The following REL variants were observed in gnomAD, a reference collection of about 807,000 sequenced individuals.
REL encodes the protein REL proto-oncogene, NF-kB subunit, also known as proto-oncogene c-Rel.
A neutral mutation model predicts 45.9 loss-of-function variants in REL; 15 were observed. That is an observed-to-expected ratio of 0.33 (90% CI 0.22 to 0.50). REL has a LOEUF of 0.50. Among genes scored for constraint, REL ranks in the 20% least tolerant of loss-of-function variants. REL has a pLI of 0.98. For missense variants in REL, 601 were observed against 715.2 expected (o/e 0.84, Z 1.82); for synonymous variants, 239 against 242.1 (o/e 0.99, Z 0.12).
intron 4 of REL, among the ~76,000 whole-genome samples, chr2:60,913,974 G>A (rs1673889561): frequency 1.3e-5 from 2 of 152,290 alleles, no homozygotes; most frequent in South Asian, 4.1e-4. Context: ...AGTCATTTAT[G>A]TTAATTGAGA....
At chr2:60,886,642 T>C (rs1673078610) in intron 1 of REL, among the ~76,000 whole-genome samples, 1 of 152,010 alleles carries the variant, frequency 6.6e-6, no homozygotes, top group South Asian at 2.1e-4. Context: ...AATAATTAGC[T>C]TTTTTTTCTG....
chr2:60,884,816 T>C (rs919404160), intron 1 of REL, among the ~76,000 whole-genome samples: 2 of 152,186 alleles, frequency 1.3e-5, no homozygotes, highest in African/African-American at 4.8e-5. Context: ...CCTCACTTCT[T>C]ACCAACTATT....
At chr2:60,903,251 A>T (rs1448682336) in intron 4 of REL, among the ~76,000 whole-genome samples, 1 of 152,224 alleles carries the variant, frequency 6.6e-6, no homozygotes, top group African/African-American at 2.4e-5. Flanking sequence ...GACTTTTGTT[A>T]TTTAACTGTC....
chr2:60,907,382 C>T (rs771480094), intron 4 of REL, among the ~76,000 whole-genome samples: 32 of 152,186 alleles, frequency 2.1e-4, no homozygotes, highest in Non-Finnish European at 3.1e-4. Flanking sequence ...CACGGTGGCT[C>T]ATGCCTGTAA....
At chr2:60,896,799 A>G (rs1191586443) in intron 3 of REL, among the ~76,000 whole-genome samples, 1 of 152,204 alleles carries the variant, frequency 6.6e-6, no homozygotes, top group African/African-American at 2.4e-5. Context: ...AGTTACAGGC[A>G]GTTAAATTTT....
Position 60,927,004 on chromosome 2 carries a change from G to A in REL, c.*4469G>A, listed in dbSNP as rs1473270871. ...TTAGCATGTTACCCACTCTGCCTCTGCTCTTCTGGAACTAGAACACTCATC... is the reference window on the plus strand; with the variant it reads ...TTAGCATGTTACCCACTCTGCCTCTACTCTTCTGGAACTAGAACACTCATC... On this transcript the variant is annotated 3_prime_UTR_variant, in exon 10 of 10. Transcript: ENST00000394479. 2 of 227,924 alleles carry A rather than the reference G, an allele frequency of 8.8e-6. No individual in the cohort carries two copies. Among genetic ancestry groups the A allele is most frequent in the African/African-American group, 4.4e-5 (2 of 44,974 alleles). The allele number at this position is 227,924 out of a possible 1,614,324, so 14.1% of individuals were successfully genotyped here. A position where few individuals can be genotyped will look rare whatever the true frequency, so the allele number is the denominator to read the frequency against.
rs58523316 is a variant in REL, at chr2:60,920,471, G to A, written c.923-103G>A. Reference sequence around the variant, plus strand: ...CCACCTTGGCCTCCCAAAGTGCTGGGATTACAGGTGGGAGCCACCACGCCC... The same window carrying A: ...CCACCTTGGCCTCCCAAAGTGCTGGAATTACAGGTGGGAGCCACCACGCCC... On this transcript the variant is annotated intron_variant, in intron 8 of 9. Coordinates refer to ENST00000394479, the MANE Select transcript of REL (RefSeq NM_001291746.2). The A allele has an allele frequency of 1.6e-5, 14 of 860,402 alleles. No homozygotes were observed. In the Middle Eastern group the frequency reaches 9.9e-4, roughly 61 times the overall value. 53.3% of individuals were successfully genotyped at this position (860,402 alleles called of 1,614,324 possible). A position where few individuals can be genotyped will look rare whatever the true frequency, so the allele number is the denominator to read the frequency against.
Position 60,920,119 on chromosome 2 carries a change from G to GT in REL, c.922+13dup. On this transcript the variant is annotated intron_variant, in intron 8 of 9. Transcript: ENST00000394479. ...CTGTGCCAGGATCACGGTAAGAATA[G>GT]TTTGGATCGATTCATATTTAAATAG... 1 of 1,575,932 alleles carries GT rather than the reference G, an allele frequency of 6.3e-7. No individual in the cohort carries two copies. Among genetic ancestry groups the GT allele is most frequent in the Non-Finnish European group, 8.7e-7 (1 of 1,153,770 alleles).
intron 7 of REL, 46 bp downstream of exon 7, chr2:60,918,652 C>A: frequency 7.9e-7 from 1 of 1,267,710 alleles, no homozygotes; most frequent in South Asian, 1.2e-5. Context: ...TTGAAGTGGT[C>A]CTGCTAATAA....
Position 60,881,663 on chromosome 2 carries a change from T to G in REL, c.-178T>G. The G allele has an allele frequency of 1.9e-6, 1 of 535,840 alleles. No homozygotes were observed. Among genetic ancestry groups the G allele is most frequent in the Non-Finnish European group, 3.3e-6 (1 of 302,886 alleles). The allele number at this position is 535,840 out of a possible 1,614,324, so 33.2% of individuals were successfully genotyped here. On this transcript the variant is annotated 5_prime_UTR_variant, in exon 1 of 10. Coordinates refer to ENST00000394479, the MANE Select transcript of REL (RefSeq NM_001291746.2). Reference sequence around the variant, plus strand: ...ACCCGGGGTGCAAGAATTCAGGGGTTGGGAAGGTGTGAGCCGCAAACCCAG... The same window carrying G: ...ACCCGGGGTGCAAGAATTCAGGGGTGGGGAAGGTGTGAGCCGCAAACCCAG...
intron 1 of REL, among the ~76,000 whole-genome samples, chr2:60,884,530 G>A (rs1673024346): frequency 6.6e-6 from 1 of 151,882 alleles, no homozygotes; most frequent in South Asian, 2.1e-4. Flanking sequence ...CCCATCTAAG[G>A]TATGCATAGT....
rs368051779 is a variant in REL at position 60,882,604 on chromosome 2, G to C, written c.10+754G>C. ...GCAGGAGAATCGCTTGAACCTGGGA[G>C]GTGGAGGTTGCAGTGAGCCGAGATC... On this transcript the variant is annotated intron_variant, in intron 1 of 9. Coordinates refer to ENST00000394479, the MANE Select transcript of REL (RefSeq NM_001291746.2). Among the ~76,000 whole-genome samples the C allele has an allele frequency of 8.5e-5, 13 of 152,180 alleles. No homozygotes were observed. In the East Asian group the frequency reaches 1.4e-3, roughly 16 times the overall value.
intron 1 of REL, among the ~76,000 whole-genome samples, chr2:60,891,375 A>T (rs1673206790): frequency 6.6e-6 from 1 of 152,172 alleles, no homozygotes; most frequent in Non-Finnish European, 1.5e-5. Context: ...TGGGAGGCAG[A>T]TATCTCTGAA....
At chr2:60,911,006 T>C (rs1242470870) in intron 4 of REL, among the ~76,000 whole-genome samples, 2 of 152,190 alleles carry the variant, frequency 1.3e-5, no homozygotes, top group East Asian at 1.9e-4. Context: ...TATAGAATGA[T>C]ATGTATCTAT....
At chr2:60,909,939 T>A (rs1248708002) in intron 4 of REL, among the ~76,000 whole-genome samples, 1 of 152,078 alleles carries the variant, frequency 6.6e-6, no homozygotes, top group Non-Finnish European at 1.5e-5. Flanking sequence ...GCTGTGTATT[T>A]TTGCCTTGTT....
At chr2:60,919,971 A>G (rs1305805488) in intron 7 of REL, 70 bp from the exon 8 acceptor site, 2 of 956,610 alleles carry the variant, frequency 2.1e-6, no homozygotes, top group Non-Finnish European at 3.3e-6. Context: ...TGAATAAAAT[A>G]TTTGTTTATT....
intron 4 of REL, among the ~76,000 whole-genome samples, chr2:60,909,947 GTTAT>G (rs944394825): frequency 2.6e-5 from 4 of 151,964 alleles, no homozygotes; most frequent in Non-Finnish European, 5.9e-5. Context: ...TTTTTGCCTT[GTTAT>G]TTATTTTTAT....
intron 5 of REL, 83 bp downstream of exon 5, chr2:60,917,100 G>A: frequency 1.7e-6 from 2 of 1,211,040 alleles, no homozygotes; most frequent in Non-Finnish European, 2.3e-6. Context: ...TGGTAATTAG[G>A]AAAACAATAT....
rs1674174931 is a variant in REL at position 60,922,589 on chromosome 2, T to C, written c.*54T>C. ...TGATACCACCTATATAGATGCAGCATTTTGTATTTGTCTAACTGGGGATAT... is the reference window on the plus strand; with the variant it reads ...TGATACCACCTATATAGATGCAGCACTTTGTATTTGTCTAACTGGGGATAT... On this transcript the variant is annotated 3_prime_UTR_variant, in exon 10 of 10. Coordinates refer to ENST00000394479, the MANE Select transcript of REL (RefSeq NM_001291746.2). The C allele has an allele frequency of 8.1e-6, 12 of 1,485,510 alleles. No individual in the cohort carries two copies. Among genetic ancestry groups the C allele is most frequent in the Non-Finnish European group, 9.9e-6 (11 of 1,116,606 alleles). 92.0% of individuals were successfully genotyped at this position (1,485,510 alleles called of 1,614,324 possible).
Sources: gnomAD v4.1 joint callset for allele counts (sites outside exome capture counted in the v4.1 genomes callset) on GRCh38, gnomAD v4.1.1 for gene constraint, MANE v1.5 for transcripts, NCBI Gene and HGNC (gene_info 2026-07-23, HGNC 2026-07-21) for gene names.